Variants in LGR4 observed in about 807,000 individuals in gnomAD.
LGR4 encodes the protein leucine rich repeat containing G protein-coupled receptor 4, also known as leucine-rich repeat-containing G protein-coupled receptor 4.
In LGR4, 44 loss-of-function variants were observed where a neutral mutation model predicts 84.8. That is an observed-to-expected ratio of 0.52 (90% confidence interval 0.41 to 0.67). The LOEUF is 0.67. Ranked by LOEUF, LGR4 falls within the 30% of genes least tolerant of loss-of-function variation. LGR4 has a pLI of 0.00. For missense variants in LGR4, 1,032 were observed against 1,131.4 expected, an observed-to-expected ratio of 0.91 and a Z score of 1.26; for synonymous variants, 429 against 434.3, an observed-to-expected ratio of 0.99 and a Z score of 0.15.
rs761273260 is a variant in LGR4, at chr11:27,368,269, A to G, written c.2454T>C (p.Arg818=). The change falls in exon 18 of 18, where the codon CGT becomes CGC. Residue 818 remains arginine (R), a synonymous_variant. Transcript: ENST00000379214. ...FKEDWKLLKR[R]VTKKSGSVSV... The stretch of plus-strand genomic sequence containing the variant: ...AAACTGATCCACTTTTCTTGGTAAC[A>G]CGTCGCTTCAGTAACTTCCAGTCTT... 1 of 1,614,244 alleles carries G rather than the reference A, an allele frequency of 6.2e-7. No individual in the cohort carries two copies. Among genetic ancestry groups the G allele is most frequent in the South Asian group, 1.1e-5 (1 of 91,090 alleles).
At chr11:27,453,501 T>A (rs1864521158) in intron 1 of LGR4, among the ~76,000 whole-genome samples, 1 of 152,228 alleles carries the variant, frequency 6.6e-6, no homozygotes, top group Non-Finnish European at 1.5e-5. Context: ...GCAAACCACC[T>A]TCATCTTGCT....
At chr11:27,380,518 T>C (rs1863071917) in intron 9 of LGR4, 122 bp downstream of exon 9, 1 of 791,972 alleles carries the variant, frequency 1.3e-6, no homozygotes, top group Non-Finnish European at 2.0e-6. Context: ...AATTATAAAT[T>C]CTGCCCAAGG....
intron 1 of LGR4, among the ~76,000 whole-genome samples, chr11:27,431,836 C>A: frequency 6.6e-6 from 1 of 152,212 alleles, no homozygotes; most frequent in East Asian, 1.9e-4. Flanking sequence ...CCAAGTTCTA[C>A]CATGTATTAG....
At chr11:27,436,119 G>T (rs960066602) in intron 1 of LGR4, among the ~76,000 whole-genome samples, 1 of 151,822 alleles carries the variant, frequency 6.6e-6, no homozygotes, top group Admixed American at 6.6e-5. Context: ...CACCGTGTTA[G>T]CCAGGATGGT....
chr11:27,463,804 C>CA (rs1273530599), intron 1 of LGR4, among the ~76,000 whole-genome samples: 4 of 151,612 alleles, frequency 2.6e-5, no homozygotes. Context: ...CAAAACAAAA[C>CA]AAAAAAAATG....
intron 1 of LGR4, among the ~76,000 whole-genome samples, chr11:27,466,707 T>C (rs1424574944): frequency 5.3e-5 from 8 of 152,240 alleles, no homozygotes; most frequent in Admixed American, 3.9e-4. Flanking sequence ...GCATTTAGTT[T>C]GACTGGAAAT....
chr11:27,462,324 C>G, intron 1 of LGR4, among the ~76,000 whole-genome samples: 1 of 152,138 alleles, frequency 6.6e-6, no homozygotes, highest in Non-Finnish European at 1.5e-5. Context: ...AGGAAGGCAG[C>G]AACAAGTCAC....
intron 10 of LGR4, 87 bp from the exon 11 acceptor site, chr11:27,378,855 A>G: frequency 2.3e-6 from 2 of 867,254 alleles, no homozygotes; most frequent in Non-Finnish European, 1.9e-6. Flanking sequence ...GTGCTCACAT[A>G]TTTACATATG....
chr11:27,383,040 A>T (rs1863127253), intron 6 of LGR4, among the ~76,000 whole-genome samples: 1 of 152,004 alleles, frequency 6.6e-6, no homozygotes, highest in African/African-American at 2.4e-5. Flanking sequence ...ATAAAAAAAT[A>T]AAAAATAATC....
In LGR4 at chr11:27,389,655, A is replaced by C. The variant is rs557826703; in HGVS notation, c.401+1439T>G. ...TTTGATTATTAAATCTTACAAAATG[A>C]CAATTCAATATGAAGGTCTTGAAGT... On this transcript the variant is annotated intron_variant, in intron 4 of 17. Coordinates refer to ENST00000379214, the MANE Select transcript of LGR4 (RefSeq NM_018490.5). Among the ~76,000 whole-genome samples the C allele has an allele frequency of 1.2e-4, 18 of 152,280 alleles. No homozygotes were observed. The South Asian group carries it at 3.1e-3, about 26-fold the overall frequency.
chr11:27,439,382 A>T (rs2133429878), intron 1 of LGR4, among the ~76,000 whole-genome samples: 1 of 152,300 alleles, frequency 6.6e-6, no homozygotes, highest in East Asian at 1.9e-4. Context: ...ATTTTGTAGC[A>T]TGTGTCAGGA....
In LGR4 at chr11:27,368,640, GCAAA is replaced by G; in HGVS notation, c.2079_2082del (p.Leu694HisfsTer10). The G allele has an allele frequency of 6.2e-7, 1 of 1,613,940 alleles. No homozygotes were observed. Among genetic ancestry groups the G allele is most frequent in the Non-Finnish European group, 8.5e-7 (1 of 1,179,962 alleles). On this transcript the variant is annotated frameshift_variant, in exon 18 of 18. Transcript: ENST00000379214. LOFTEE classifies it high-confidence loss of function. The stretch of plus-strand genomic sequence containing the variant: ...GATGGCGTTTCACCTGTAGGAAATG[GCAAA>G]CAAAGGGGTGATGCAGAATATTCCC...
chr11:27,460,770 C>A (rs1433776382), intron 1 of LGR4, among the ~76,000 whole-genome samples: 3 of 152,160 alleles, frequency 2.0e-5, no homozygotes, highest in African/African-American at 7.2e-5. Context: ...CATATGTTTT[C>A]TTTGTCAGTG....
At chr11:27,450,783 C>T (rs756514234) in intron 1 of LGR4, among the ~76,000 whole-genome samples, 3 of 151,840 alleles carry the variant, frequency 2.0e-5, no homozygotes, top group African/African-American at 4.8e-5. Flanking sequence ...AGCAAAACTG[C>T]GTCTCAAGAA....
intron 1 of LGR4, among the ~76,000 whole-genome samples, chr11:27,446,581 T>C (rs1217003400): frequency 6.6e-6 from 1 of 152,208 alleles, no homozygotes; most frequent in Non-Finnish European, 1.5e-5. Context: ...TTTTACACTG[T>C]TGGTGGGACT....
At chr11:27,458,529 T>C (rs910022169) in intron 1 of LGR4, among the ~76,000 whole-genome samples, 5 of 152,148 alleles carry the variant, frequency 3.3e-5, no homozygotes, top group Admixed American at 1.3e-4. Context: ...TTTTGTTTTC[T>C]TAATTTTTTT....
chr11:27,412,217 T>C (rs1018388049), intron 2 of LGR4, among the ~76,000 whole-genome samples: 7 of 152,144 alleles, frequency 4.6e-5, no homozygotes, highest in African/African-American at 4.8e-5. Flanking sequence ...AACTGTTAAA[T>C]TGGAAATGTG....
intron 1 of LGR4, among the ~76,000 whole-genome samples, chr11:27,452,790 ATTT>A (rs746624004): frequency 7.3e-6 from 1 of 136,680 alleles, no homozygotes. Context: ...CGTCCGGCTA[ATTT>A]TTTTTTTTTT....
At chr11:27,376,411 CAAA>C (rs764133846) in intron 12 of LGR4, 41 bp from the exon 13 acceptor site, 2 of 1,081,874 alleles carry the variant, frequency 1.8e-6, no homozygotes, top group Non-Finnish European at 2.7e-6. Flanking sequence ...AAGACAAAGA[CAAA>C]GAAGAGAACA....
Sources: gnomAD v4.1 joint callset for allele counts (sites outside exome capture counted in the v4.1 genomes callset) on GRCh38, gnomAD v4.1.1 for gene constraint, MANE v1.5 for transcripts, NCBI Gene and HGNC (gene_info 2026-07-23, HGNC 2026-07-21) for gene names.